The following DNAH17 variants were observed in gnomAD, a reference collection of about 807,000 sequenced individuals.
DNAH17 encodes the protein axonemal beta dynein heavy chain 17.
In DNAH17, 376 loss-of-function variants were observed where a neutral mutation model predicts 485.6. The observed-to-expected ratio is 0.77, with a 90% CI of 0.71 to 0.84. DNAH17 has a LOEUF of 0.84. DNAH17 is among the 40% of genes least tolerant of loss of function. DNAH17 has a pLI of 0.00. For missense variants in DNAH17, 6,370 were observed against 5,839.3 expected, an observed-to-expected ratio of 1.09 and a Z score of -2.96; for synonymous variants, 3,031 against 2,405.9, an observed-to-expected ratio of 1.26 and a Z score of -7.60.
At chr17:78,501,374 AGGT>A in intron 34 of DNAH17, 30 bp from the exon 35 acceptor site, 1 of 1,568,974 alleles carries the variant, frequency 6.4e-7, no homozygotes, top group Non-Finnish European at 8.7e-7. Flanking sequence ...TCTTGTTGCC[AGGT>A]GGAATACAAG....
At chr17:78,576,557 G>A (rs887650733) in intron 1 of DNAH17, among the ~76,000 whole-genome samples, 2 of 152,142 alleles carry the variant, frequency 1.3e-5, no homozygotes, top group South Asian at 2.1e-4. Flanking sequence ...GCATGCTGCT[G>A]AATTAATCTC....
chr17:78,441,500 G>A (rs954985194), intron 71 of DNAH17, among the ~76,000 whole-genome samples: 3 of 152,162 alleles, frequency 2.0e-5, no homozygotes, highest in African/African-American at 7.2e-5. Context: ...AACTGCGGGG[G>A]GTGGGGGCGC....
intron 69 of DNAH17, among the ~76,000 whole-genome samples, chr17:78,448,848 C>T (rs995593056): frequency 1.2e-4 from 19 of 152,148 alleles, no homozygotes; most frequent in African/African-American, 4.6e-4. Flanking sequence ...TGCCAGATGC[C>T]AGCACTTTCA....
intron 55 of DNAH17, among the ~76,000 whole-genome samples, chr17:78,467,688 C>A (rs2088541171): frequency 6.6e-6 from 1 of 152,046 alleles, no homozygotes; most frequent in Admixed American, 6.5e-5. Context: ...GCCAATAGGT[C>A]CAAGGGGTTC....
intron 17 of DNAH17, among the ~76,000 whole-genome samples, chr17:78,541,236 T>A (rs1374589168): frequency 3.6e-4 from 3 of 8,432 alleles, no homozygotes; most frequent in African/African-American, 1.3e-3. Context: ...AGCGGATGGG[T>A]GGGTGGGGGG....
intron 32 of DNAH17, 49 bp from the exon 33 acceptor site, chr17:78,502,747 CCTG>C (rs775374087): frequency 2.6e-5 from 42 of 1,598,484 alleles, no homozygotes; most frequent in Non-Finnish European, 3.6e-5. Context: ...ATCGCTGGCG[CCTG>C]CTAACGCAGA....
intron 1 of DNAH17, 41 bp from the exon 2 acceptor site, chr17:78,575,123 G>T: frequency 1.5e-6 from 2 of 1,349,850 alleles, no homozygotes; most frequent in Non-Finnish European, 2.0e-6. Flanking sequence ...TGTCTCCCGG[G>T]CTCCCCAATT....
chr17:78,570,957 G>T lies in DNAH17; in HGVS notation c.909C>A (p.Asp303Glu), dbSNP rs1407584803. Residue 303 changes from aspartate (D) to glutamate (E), a missense_variant, in exon 6 of 81, where the codon GAC becomes GAA. Transcript: ENST00000389840. The stretch of plus-strand genomic sequence containing the variant: ...TCCCTTGCCTGCGCACCATCGTGAA[G>T]TCGGCTTGTTCCATCTCCTCCAGCA... ...RILLEEMEQA[D>E]FTMLPTFIAK... The T allele has an allele frequency of 6.3e-7, 1 of 1,587,696 alleles. No individual in the cohort carries two copies. Among genetic ancestry groups the T allele is most frequent in the Non-Finnish European group, 8.6e-7 (1 of 1,167,132 alleles).
intron 77 of DNAH17, 184 bp downstream of exon 77, chr17:78,428,341 G>T: frequency 1.4e-6 from 1 of 708,778 alleles, no homozygotes; most frequent in Non-Finnish European, 2.4e-6. Flanking sequence ...CAGCTGCCAC[G>T]TCTGAGGACC....
At chr17:78,467,793 G>A (rs1249890036) in intron 55 of DNAH17, among the ~76,000 whole-genome samples, 1 of 152,116 alleles carries the variant, frequency 6.6e-6, no homozygotes, top group East Asian at 1.9e-4. Context: ...CGAGGCAGGT[G>A]TATCACCTGA....
Position 78,574,804 on chromosome 17 carries a change from T to TA in DNAH17, c.253_254insT (p.Glu85ValfsTer41). On this transcript the variant is annotated frameshift_variant, in exon 2 of 81. Transcript: ENST00000389840. LOFTEE classifies it high-confidence loss of function. ...CCTGTAGTTGTCCTTGTTGATGTTCTCGGACTTTGTCTTGATGAAGTAAAC... is the reference window on the plus strand; with the variant it reads ...CCTGTAGTTGTCCTTGTTGATGTTCTACGGACTTTGTCTTGATGAAGTAAAC... 6.2e-7 allele frequency: 1 copy of TA among 1,614,024 alleles called. No individual in the cohort carries two copies. Among genetic ancestry groups the TA allele is most frequent in the Non-Finnish European group, 8.5e-7 (1 of 1,179,884 alleles).
At position 78,561,722 on chromosome 17, in the gene DNAH17, C is replaced by A; in HGVS notation, c.1828G>T (p.Glu610Ter). 1.2e-6 allele frequency: 2 copies of A among 1,605,412 alleles called. No individual in the cohort carries two copies. Among genetic ancestry groups the A allele is most frequent in the South Asian group, 1.1e-5 (1 of 89,730 alleles). Residue 610 changes from glutamate to a stop codon, truncating the protein, a stop_gained, in exon 12 of 81, where the codon GAA becomes TAA. Coordinates refer to ENST00000389840, the MANE Select transcript of DNAH17 (RefSeq NM_173628.4). LOFTEE classifies it high-confidence loss of function. ...CCCAGGGCTGTGACTCACGGGTGTT[C>A]GACGTGCTTCAGGTGTTTCATGGAC... ...EVSMKHLKHVEHPVMSGAEAK... is the reference protein window; with the variant it reads ...EVSMKHLKHV
intron 4 of DNAH17, 40 bp downstream of exon 4, chr17:78,571,550 G>A: frequency 6.2e-7 from 1 of 1,609,470 alleles, no homozygotes; most frequent in Non-Finnish European, 8.5e-7. Flanking sequence ...TCGCCCAGCT[G>A]GGACGAGGCT....
At chr17:78,524,132 C>T (rs145783358) in intron 25 of DNAH17, among the ~76,000 whole-genome samples, 2 of 152,046 alleles carry the variant, frequency 1.3e-5, no homozygotes, top group East Asian at 3.9e-4. Context: ...GTGATTTGTG[C>T]TCTTATTTAT....
intron 65 of DNAH17, among the ~76,000 whole-genome samples, chr17:78,451,952 G>T (rs964105960): frequency 6.6e-6 from 1 of 151,922 alleles, no homozygotes; most frequent in Non-Finnish European, 1.5e-5. Context: ...CCTCCCCTGG[G>T]AGCCCTGACC....
intron 58 of DNAH17, among the ~76,000 whole-genome samples, chr17:78,461,140 A>C (rs1314405061): frequency 6.6e-6 from 1 of 151,912 alleles, no homozygotes; most frequent in Non-Finnish European, 1.5e-5. Context: ...CCGGAGCCGC[A>C]CGTCTGAGGA....
chr17:78,466,744 A>G lies in DNAH17; in HGVS notation c.8851T>C (p.Cys2951Arg). Residue 2951 changes from cysteine (C) to arginine (R), a missense_variant, in exon 56 of 81, where the codon TGC becomes CGC. Cys to Arg is a radical substitution (Grantham distance 180). Transcript: ENST00000389840. ...RARKFPAVVN[C>R]TAIDWFHEWP... ...TCGTGGAACCAGTCGATGGCCGTGC[A>G]GTTGACCACAGCTGGGAACTTTCTG... 1 of 1,612,696 alleles carries G rather than the reference A, an allele frequency of 6.2e-7. No homozygotes were observed. The highest frequency in any genetic ancestry group is 8.5e-7 in the Non-Finnish European group (1 of 1,179,468).
At chr17:78,550,688 G>A (rs1598708818) in intron 16 of DNAH17, among the ~76,000 whole-genome samples, 1 of 152,144 alleles carries the variant, frequency 6.6e-6, no homozygotes, top group African/African-American at 2.4e-5. Context: ...GAAGAGAAAC[G>A]TCTGTTGTTG....
intron 57 of DNAH17, among the ~76,000 whole-genome samples, chr17:78,462,460 G>A (rs77493878): frequency 0.038 from 5,740 of 152,208 alleles, 137 homozygotes; most frequent in Non-Finnish European, 0.061. Flanking sequence ...GATCCATACG[G>A]TGTGGAGGAA....
Sources: gnomAD v4.1 joint callset for allele counts (sites outside exome capture counted in the v4.1 genomes callset) on GRCh38, gnomAD v4.1.1 for gene constraint, MANE v1.5 for transcripts, NCBI Gene and HGNC (gene_info 2026-07-23, HGNC 2026-07-21) for gene names.